ANKRD33B: variants seen among roughly 807,000 people sequenced by gnomAD.
ANKRD33B encodes the protein ankyrin repeat domain-containing protein 33B.
ANKRD33B carries 6 observed loss-of-function variants against 21.5 expected under a neutral mutation model. The observed-to-expected ratio is 0.28, with a 90% CI of 0.15 to 0.55. ANKRD33B has a LOEUF of 0.55. ANKRD33B is among the 20% of genes least tolerant of loss of function. ANKRD33B has a pLI of 0.94. For synonymous variants in ANKRD33B, 347 were observed against 342.4 expected (o/e 1.01, Z -0.15); for missense variants, 698 against 747.2 (o/e 0.93, Z 0.77).
intron 1 of ANKRD33B, among the ~76,000 whole-genome samples, chr5:10,616,467 A>G (rs10866476): frequency 0.91 from 138,780 of 151,746 alleles, 63,688 homozygotes; most frequent in Middle Eastern, 0.96. Flanking sequence ...GAGAGACTGA[A>G]GCAGGAGAAT....
At chr5:10,630,828 G>A (rs546460209) in intron 2 of ANKRD33B, among the ~76,000 whole-genome samples, 22 of 148,810 alleles carry the variant, frequency 1.5e-4, no homozygotes, top group East Asian at 1.2e-3. Flanking sequence ...AGCCAAGGTC[G>A]CGCCACTGCA....
chr5:10,626,207 G>C (rs1736541591), intron 2 of ANKRD33B, among the ~76,000 whole-genome samples: 1 of 152,258 alleles, frequency 6.6e-6, no homozygotes, highest in South Asian at 2.1e-4. Context: ...AACTGGGCAG[G>C]TGCTGTTGGT....
intron 1 of ANKRD33B, among the ~76,000 whole-genome samples, chr5:10,565,528 C>A (rs1381861040): frequency 6.6e-6 from 1 of 152,236 alleles, no homozygotes; most frequent in African/African-American, 2.4e-5. Flanking sequence ...ATAGGGAGAG[C>A]CCCAGAGCCG....
At chr5:10,569,422 G>A (rs1735127503) in intron 1 of ANKRD33B, among the ~76,000 whole-genome samples, 1 of 151,918 alleles carries the variant, frequency 6.6e-6, no homozygotes, top group Non-Finnish European at 1.5e-5. Context: ...CATGGTGAAA[G>A]CCCATCTCTA....
At chr5:10,591,645 G>A (rs1365303682) in intron 1 of ANKRD33B, among the ~76,000 whole-genome samples, 1 of 151,968 alleles carries the variant, frequency 6.6e-6, no homozygotes, top group African/African-American at 2.4e-5. Context: ...TAAGCATATG[G>A]TGTCTCATTA....
intron 1 of ANKRD33B, among the ~76,000 whole-genome samples, chr5:10,594,669 G>A (rs1050236587): frequency 2.0e-5 from 3 of 152,170 alleles, no homozygotes; most frequent in African/African-American, 4.8e-5. Context: ...GATTCATTAG[G>A]TGGGGTAAGA....
intron 3 of ANKRD33B, among the ~76,000 whole-genome samples, chr5:10,646,837 T>C (rs1737198189): frequency 6.6e-6 from 1 of 152,246 alleles, no homozygotes; most frequent in South Asian, 2.1e-4. Flanking sequence ...CTAAGATCCT[T>C]ACCAGGCAAG....
At chr5:10,634,251 A>C (rs1185448946) in intron 2 of ANKRD33B, among the ~76,000 whole-genome samples, 1 of 152,142 alleles carries the variant, frequency 6.6e-6, no homozygotes, top group African/African-American at 2.4e-5. Flanking sequence ...CATTGTCTAC[A>C]CTATGTTCCA....
In ANKRD33B at chr5:10,656,979, G is replaced by GAA. The variant is rs75720434; in HGVS notation, c.*6876_*6877dup. The GAA allele has an allele frequency of 0.29, 42,560 of 147,672 alleles. 6,150 individuals carry two copies. Among genetic ancestry groups the GAA allele is most frequent in the African/African-American group, 0.32 (12,810 of 40,294 alleles). The allele number at this position is 147,672 out of a possible 1,614,324, so 9.1% of individuals were successfully genotyped here. On this transcript the variant is annotated 3_prime_UTR_variant, in exon 4 of 4. Coordinates refer to ENST00000296657, the MANE Select transcript of ANKRD33B (RefSeq NM_001164440.2). Reference sequence around the variant, plus strand: ...ACACCCCTCTATTGTTTTTAAATAAGAAAAAAAAAAACCCCACGAAACTTT... The same window carrying GAA: ...ACACCCCTCTATTGTTTTTAAATAAGAAAAAAAAAAAAACCCCACGAAACTTT...
At chr5:10,565,796 G>A (rs1560957333) in intron 1 of ANKRD33B, among the ~76,000 whole-genome samples, 1 of 152,238 alleles carries the variant, frequency 6.6e-6, no homozygotes, top group Non-Finnish European at 1.5e-5. Flanking sequence ...AAATGGCAGC[G>A]TTCTCACCTG....
rs747071791 is a variant in ANKRD33B, at chr5:10,564,843, C to A, written c.366+10C>A. 2 of 1,487,650 alleles carry A rather than the reference C, an allele frequency of 1.3e-6. No homozygotes were observed. The highest frequency in any genetic ancestry group is 2.1e-5 in the Admixed American group (1 of 47,888). The allele number at this position is 1,487,650 out of a possible 1,614,324, so 92.2% of individuals were successfully genotyped here. On this transcript the variant is annotated intron_variant, in intron 1 of 3. Transcript: ENST00000296657. Reference sequence around the variant, plus strand: ...TGACCGCAACGGCAGGGTAAGCGGGCGTCCCCGCAGGATTTGAGCCCCCTC... The same window carrying A: ...TGACCGCAACGGCAGGGTAAGCGGGAGTCCCCGCAGGATTTGAGCCCCCTC...
At chr5:10,577,343 A>G (rs1380606878) in intron 1 of ANKRD33B, among the ~76,000 whole-genome samples, 1 of 152,146 alleles carries the variant, frequency 6.6e-6, no homozygotes, top group Non-Finnish European at 1.5e-5. Context: ...TTGGTCAGGC[A>G]TGTCTCGAAC....
In ANKRD33B at chr5:10,653,918, C is replaced by T. The variant is rs547209179; in HGVS notation, c.*3805C>T. The T allele has an allele frequency of 2.6e-5, 4 of 152,610 alleles. No homozygotes were observed. Among genetic ancestry groups the T allele is most frequent in the African/African-American group, 9.6e-5 (4 of 41,586 alleles). The allele number at this position is 152,610 out of a possible 1,614,324, so 9.5% of individuals were successfully genotyped here. A position where few individuals can be genotyped will look rare whatever the true frequency, so the allele number is the denominator to read the frequency against. The stretch of plus-strand genomic sequence containing the variant: ...GGAGGAGGGGACCGATGAGCACCGA[C>T]CCCTTCTCTTCACCTGTCAGTGGCC... On this transcript the variant is annotated 3_prime_UTR_variant, in exon 4 of 4. Transcript: ENST00000296657.
intron 1 of ANKRD33B, among the ~76,000 whole-genome samples, chr5:10,614,743 C>T (rs972032326): frequency 2.5e-4 from 38 of 152,090 alleles, no homozygotes; most frequent in Admixed American, 2.2e-3. Flanking sequence ...AAAAATTAGC[C>T]GGGCTTGGTG....
In ANKRD33B at chr5:10,591,419, C is replaced by T. The variant is rs150723550; in HGVS notation, c.366+26586C>T. On this transcript the variant is annotated intron_variant, in intron 1 of 3. Transcript: ENST00000296657. ...CCATATTGGCCAGGCTAGTCTCGAA[C>T]GCCTGACCTCTTGATCTGCCACCCT... Among the ~76,000 whole-genome samples the T allele has an allele frequency of 1.9e-3, 283 of 152,200 alleles. 1 individual carries two copies. Among genetic ancestry groups the T allele is most frequent in the South Asian group, 5.4e-3 (26 of 4,830 alleles).
rs1734986129 is a variant in ANKRD33B at position 10,564,110 on chromosome 5, T to G, written c.-358T>G. Among the ~76,000 whole-genome samples, 1 of 152,036 alleles carries G rather than the reference T, an allele frequency of 6.6e-6. No individual in the cohort carries two copies. Among genetic ancestry groups the G allele is most frequent in the Non-Finnish European group, 1.5e-5 (1 of 67,982 alleles). On this transcript the variant is annotated 5_prime_UTR_variant, in exon 1 of 4. Transcript: ENST00000296657. ...TTCTCCCGCGCCAGCTGTCCCCAGCTCTGGGGCAACGCTGCCAGGTGCCCA... is the reference window on the plus strand; with the variant it reads ...TTCTCCCGCGCCAGCTGTCCCCAGCGCTGGGGCAACGCTGCCAGGTGCCCA...
intron 1 of ANKRD33B, among the ~76,000 whole-genome samples, chr5:10,572,723 A>G (rs1432378684): frequency 6.6e-6 from 1 of 152,178 alleles, no homozygotes; most frequent in Admixed American, 6.5e-5. Context: ...GTGTGCCACT[A>G]TGAATGCACT....
chr5:10,566,318 G>A (rs535584604), intron 1 of ANKRD33B, among the ~76,000 whole-genome samples: 4 of 152,164 alleles, frequency 2.6e-5, no homozygotes, highest in Non-Finnish European at 4.4e-5. Flanking sequence ...ATGTGATTAG[G>A]GCTTGGAGCT....
intron 1 of ANKRD33B, among the ~76,000 whole-genome samples, chr5:10,608,326 C>G (rs1736095201): frequency 6.6e-6 from 1 of 150,946 alleles, no homozygotes; most frequent in South Asian, 2.1e-4. Context: ...CCACTGCACT[C>G]CAGCCTAGGC....
Sources: gnomAD v4.1 joint callset for allele counts (sites outside exome capture counted in the v4.1 genomes callset) on GRCh38, gnomAD v4.1.1 for gene constraint, MANE v1.5 for transcripts, NCBI Gene and HGNC (gene_info 2026-07-23, HGNC 2026-07-21) for gene names.